Variants in CACNA2D1 observed in about 807,000 individuals in gnomAD.
CACNA2D1 encodes the protein voltage-dependent calcium channel subunit alpha-2/delta-1.
Under a neutral mutation model 171.5 loss-of-function variants are expected in CACNA2D1, and 53 were observed. The ratio of observed to expected loss-of-function variants is 0.31; its 90% CI spans 0.25 to 0.39. The LOEUF (loss-of-function observed/expected upper bound fraction) is 0.39. Among genes scored for constraint, CACNA2D1 ranks in the 10% least tolerant of loss-of-function variants. The pLI, the probability that CACNA2D1 is intolerant of heterozygous loss-of-function variation, is 1.00. For synonymous variants in CACNA2D1, 442 were observed against 443.1 expected, an observed-to-expected ratio of 1.00 and a Z score of 0.03; for missense variants, 903 against 1,299.8, an observed-to-expected ratio of 0.69 and a Z score of 4.69.
chr7:82,353,730 C>A (rs969977422), intron 1 of CACNA2D1, among the ~76,000 whole-genome samples: 6 of 151,960 alleles, frequency 3.9e-5, no homozygotes, highest in African/African-American at 1.5e-4. Context: ...AGAAATTTAT[C>A]CACCTTATCT....
At chr7:82,244,319 T>C (rs1804659904) in intron 3 of CACNA2D1, among the ~76,000 whole-genome samples, 1 of 152,158 alleles carries the variant, frequency 6.6e-6, no homozygotes, top group Admixed American at 6.5e-5. Flanking sequence ...AGAAATCATT[T>C]TATTTATCAA....
chr7:82,410,016 C>T (rs1427647609), intron 1 of CACNA2D1, among the ~76,000 whole-genome samples: 1 of 152,154 alleles, frequency 6.6e-6, no homozygotes, highest in Non-Finnish European at 1.5e-5. Flanking sequence ...TAGAAAGCTA[C>T]AGAAAAATAA....
rs578180671 is a variant in CACNA2D1, at chr7:82,335,011, C to G, written c.294+124G>C. ...ACCATGATATCTCATTTTTTATGAACATATCAGATGAACACAGTTACTAAG... is the reference window on the plus strand; with the variant it reads ...ACCATGATATCTCATTTTTTATGAAGATATCAGATGAACACAGTTACTAAG... On this transcript the variant is annotated intron_variant, in intron 3 of 38. Transcript: ENST00000356860. The G allele has an allele frequency of 3.7e-4, 262 of 704,772 alleles. 2 individuals carry two copies. The Middle Eastern group carries it at 0.011, about 30-fold the overall frequency. 43.7% of individuals were successfully genotyped at this position (704,772 alleles called of 1,614,324 possible). A position where few individuals can be genotyped will look rare whatever the true frequency, so the allele number is the denominator to read the frequency against.
chr7:82,233,676 T>C (rs1257316612), intron 3 of CACNA2D1, among the ~76,000 whole-genome samples: 1 of 151,372 alleles, frequency 6.6e-6, no homozygotes, highest in African/African-American at 2.4e-5. Flanking sequence ...ATACAGGACC[T>C]TTTTTTTTCC....
At position 81,976,593 on chromosome 7, in the gene CACNA2D1, G is replaced by A. The variant is rs922684412; in HGVS notation, c.1956-2041C>T. On this transcript the variant is annotated intron_variant, in intron 24 of 38. Transcript: ENST00000356860. ...CTTGTGGCTGGGCACAGTGGCTCGC[G>A]CCCATAATCCCAGCACTTTGGGAGG... Among the ~76,000 whole-genome samples the A allele has an allele frequency of 5.9e-5, 9 of 152,238 alleles. No homozygotes were observed. The South Asian group carries it at 6.2e-4, about 11-fold the overall frequency.
intron 5 of CACNA2D1, among the ~76,000 whole-genome samples, chr7:82,132,726 G>A (rs1490043749): frequency 3.3e-5 from 5 of 152,184 alleles, no homozygotes; most frequent in Non-Finnish European, 7.3e-5. Flanking sequence ...TGTTCCTAGA[G>A]AGGAATCAAC....
chr7:82,066,671 C>G (rs542165748), intron 7 of CACNA2D1, 147 bp from the exon 8 acceptor site: 1 of 1,227,244 alleles, frequency 8.1e-7, no homozygotes, highest in African/African-American at 1.5e-5. Context: ...ATTTTTAAGC[C>G]CTTATATTGC....
At chr7:82,102,773 C>A (rs1383586156) in intron 6 of CACNA2D1, among the ~76,000 whole-genome samples, 1 of 152,066 alleles carries the variant, frequency 6.6e-6, no homozygotes, top group African/African-American at 2.4e-5. Flanking sequence ...CCACCTATAA[C>A]CAATGGAAAA....
chr7:82,160,381 G>A (rs34200749), intron 4 of CACNA2D1, among the ~76,000 whole-genome samples: 57,422 of 151,082 alleles, frequency 0.38, 10,894 homozygotes, highest in Middle Eastern at 0.46. Context: ...GTAATGAAGG[G>A]GCTATCATAA....
intron 3 of CACNA2D1, among the ~76,000 whole-genome samples, chr7:82,308,479 C>G (rs1330390910): frequency 1.3e-5 from 2 of 152,110 alleles, no homozygotes; most frequent in African/African-American, 4.8e-5. Context: ...TGGGCTCCAC[C>G]CTGAATTCGG....
chr7:81,954,758 A>G (rs1793022010), intron 38 of CACNA2D1, among the ~76,000 whole-genome samples: 1 of 152,132 alleles, frequency 6.6e-6, no homozygotes, highest in Non-Finnish European at 1.5e-5. Flanking sequence ...CAGCCATCAA[A>G]TCATGGACTA....
At chr7:82,085,347 C>T (rs1420103720) in intron 6 of CACNA2D1, among the ~76,000 whole-genome samples, 1 of 151,976 alleles carries the variant, frequency 6.6e-6, no homozygotes, top group Non-Finnish European at 1.5e-5. Context: ...ATCACTCCTG[C>T]TTGAGAACTA....
intron 38 of CACNA2D1, among the ~76,000 whole-genome samples, chr7:81,951,632 G>A (rs1434864030): frequency 1.3e-5 from 2 of 151,930 alleles, no homozygotes; most frequent in Admixed American, 1.3e-4. Flanking sequence ...TTAGAAAAAT[G>A]GTCTCCAACT....
intron 5 of CACNA2D1, among the ~76,000 whole-genome samples, chr7:82,132,926 C>G (rs1339905304): frequency 6.6e-6 from 1 of 152,116 alleles, no homozygotes; most frequent in Non-Finnish European, 1.5e-5. Context: ...TCATATAGTT[C>G]TTTACAAATT....
At chr7:82,159,310 C>T (rs983669685) in intron 4 of CACNA2D1, among the ~76,000 whole-genome samples, 1 of 151,816 alleles carries the variant, frequency 6.6e-6, no homozygotes, top group Non-Finnish European at 1.5e-5. Flanking sequence ...TAAGTCTTAT[C>T]AACTGCTTGA....
chr7:82,319,144 A>T (rs1815494051), intron 3 of CACNA2D1, among the ~76,000 whole-genome samples: 2 of 152,210 alleles, frequency 1.3e-5, no homozygotes, highest in Admixed American at 6.5e-5. Flanking sequence ...AGTCCTTAGT[A>T]CAGTGTCTAG....
intron 10 of CACNA2D1, among the ~76,000 whole-genome samples, chr7:82,054,547 A>G (rs7788599): frequency 0.018 from 2,756 of 152,294 alleles, 90 homozygotes; most frequent in African/African-American, 0.061. Flanking sequence ...CCTTGTTTTA[A>G]TTCCCACATT....
intron 3 of CACNA2D1, among the ~76,000 whole-genome samples, chr7:82,191,945 T>G (rs1798338510): frequency 6.6e-6 from 1 of 151,846 alleles, no homozygotes; most frequent in South Asian, 2.1e-4. Flanking sequence ...TATCATCTAT[T>G]GTGAGTGTAA....
chr7:82,291,650 C>CAT (rs201952147), intron 3 of CACNA2D1, among the ~76,000 whole-genome samples: 3 of 132,910 alleles, frequency 2.3e-5, no homozygotes, highest in African/African-American at 8.7e-5. Flanking sequence ...TGTGTGTGTG[C>CAT]ATATATATAT....
Sources: allele counts gnomAD v4.1 joint callset (sites outside exome capture counted in the v4.1 genomes callset), GRCh38; gene constraint gnomAD v4.1.1; transcripts MANE v1.5; gene names NCBI Gene and HGNC (gene_info 2026-07-23, HGNC 2026-07-21).